LTBP4: variants seen among roughly 807,000 people sequenced by gnomAD.
LTBP4 encodes the protein latent transforming growth factor beta binding protein 4.
In LTBP4, 93 loss-of-function variants were observed where a neutral mutation model predicts 180.2. The observed-to-expected ratio is 0.52, with a 90% CI of 0.44 to 0.61. The LOEUF is 0.61. Among genes scored for constraint, LTBP4 ranks in the 20% least tolerant of loss-of-function variants. The probability of loss-of-function intolerance (pLI) is 0.00; values close to 1 mark genes in which losing one functional copy is unlikely to be tolerated. For synonymous variants in LTBP4, 947 were observed against 934.5 expected (o/e 1.01, Z -0.24); for missense variants, 2,116 against 2,256.5 (o/e 0.94, Z 1.26).
rs577339340 is a variant in LTBP4, at chr19:40,607,418, G to C, written c.1045G>C (p.Gly349Arg). 1.1e-4 allele frequency: 185 copies of C among 1,613,106 alleles called. 1 individual carries two copies. In the South Asian group the frequency reaches 1.9e-3, roughly 17 times the overall value. The stretch of plus-strand genomic sequence containing the variant: ...GCCCTGCTTCCGCGTGCTCCGCGAC[G>C]GCGGCTGTTCGCTGCCCATTCTGCG... The part of the protein sequence containing the change: ...KGPCFRVLRD[G>R]GCSLPILRNI... The change falls in exon 7 of 30, where the codon GGC becomes CGC. Residue 349 changes from glycine to arginine, a missense_variant. Physicochemically the swap from Gly to Arg is moderately radical, Grantham distance 125 (BLOSUM62 -2). Coordinates refer to ENST00000396819, the MANE Select transcript of LTBP4 (RefSeq NM_001042545.2).
At chr19:40,598,782 A>G (rs913581122), upstream of LTBP4, among the ~76,000 whole-genome samples, 12 of 152,182 alleles carry the variant, frequency 7.9e-5, no homozygotes, top group African/African-American at 2.9e-4. Context: ...CCTGTCGGCC[A>G]GGCTCAGGAT....
chr19:40,601,563 C>A lies in LTBP4; in HGVS notation c.176C>A (p.Ala59Glu). The change falls in exon 1 of 30, where the codon GCG becomes GAG. Residue 59 changes from alanine to glutamate, a missense_variant. Physicochemically the swap from Ala to Glu is moderately radical, Grantham distance 107. Around this residue, in one of 5 missense-constraint regions of LTBP4, gnomAD observed 469 missense variants for 532.5 expected, o/e 0.88. Transcript: ENST00000396819. ...PTGSRCTPTC[A>E]PRNATSVDSG... ...GGCTCCCGCTGTACCCCGACCTGCGCGCCCCGCAACGCCACCAGCGTGGAC... is the reference window on the plus strand; with the variant it reads ...GGCTCCCGCTGTACCCCGACCTGCGAGCCCCGCAACGCCACCAGCGTGGAC... 1 of 1,473,038 alleles carries A rather than the reference C, an allele frequency of 6.8e-7. No homozygotes were observed. 91.2% of individuals were successfully genotyped at this position (1,473,038 alleles called of 1,614,324 possible).
At chr19:40,616,708 T>C (rs945326307) in intron 19 of LTBP4, among the ~76,000 whole-genome samples, 181 bp from the exon 20 acceptor site, 4 of 152,126 alleles carry the variant, frequency 2.6e-5, no homozygotes, top group African/African-American at 9.7e-5. Context: ...CCAGCCTGAG[T>C]GAAAGAGCGA....
Position 40,619,355 on chromosome 19 carries a change from G to A in LTBP4, c.3079G>A (p.Glu1027Lys), listed in dbSNP as rs770149546. ...TTGTCTCCTGCTTACAGATGTGAAC[G>A]AGTGTGAAACACTACAGGGTGTATG... ...RDGRHCVDVN[E>K]CETLQGVCGA... The change falls in exon 22 of 30, where the codon GAG (glutamate) becomes AAG (lysine). Residue 1027 changes from glutamate to lysine, a missense_variant. Coordinates refer to ENST00000396819, the MANE Select transcript of LTBP4 (RefSeq NM_001042545.2). The A allele has an allele frequency of 5.6e-6, 9 of 1,613,570 alleles. No individual in the cohort carries two copies. The highest frequency in any genetic ancestry group is 3.3e-5 in the South Asian group (3 of 91,024).
Position 40,629,429 on chromosome 19 carries a change from C to A in LTBP4, c.4553C>A (p.Ser1518Tyr). ...INECDEAEAA[S>Y]PLCVNARCLN... Reference sequence around the variant, plus strand: ...GAGTGTGATGAGGCCGAGGCTGCCTCCCCGCTGTGCGTCAACGCGCGTTGC... The same window carrying A: ...GAGTGTGATGAGGCCGAGGCTGCCTACCCGCTGTGCGTCAACGCGCGTTGC... The change falls in exon 30 of 30, where the codon TCC becomes TAC. Residue 1518 changes from serine to tyrosine, a missense_variant. By Grantham distance (144) the Ser-to-Tyr change is moderately radical (BLOSUM62 -2). This residue lies in a region of LTBP4 where 488 missense variants were observed against 458.8 expected (regional missense o/e 1.06). Transcript: ENST00000396819. This position sits in a 1 kb window ranked among gnomAD's most constrained non-coding sequence, Gnocchi z 4.5. The A allele has an allele frequency of 6.2e-7, 1 of 1,612,810 alleles. No individual in the cohort carries two copies. The highest frequency in any genetic ancestry group is 2.2e-5 in the East Asian group (1 of 44,856).
At chr19:40,599,325 C>T, upstream of LTBP4, 2 of 1,608,118 alleles carry the variant, frequency 1.2e-6, no homozygotes, top group Non-Finnish European at 1.7e-6. Context: ...GGGAGCTCCC[C>T]ATCCCTCCCC....
chr19:40,601,087 C>A (rs1048687976), upstream of LTBP4, among the ~76,000 whole-genome samples: 1 of 152,024 alleles, frequency 6.6e-6, no homozygotes, highest in Non-Finnish European at 1.5e-5. Flanking sequence ...GGGGGGAAAC[C>A]CGCCCGCCCC....
upstream of LTBP4, among the ~76,000 whole-genome samples, chr19:40,601,089 G>T (rs912589284): frequency 6.6e-6 from 1 of 151,480 alleles, no homozygotes; most frequent in Non-Finnish European, 1.5e-5. Flanking sequence ...GGGGAAACCC[G>T]CCCGCCCCCA....
intron 27 of LTBP4, 24 bp downstream of exon 27, chr19:40,626,033 A>C: frequency 6.4e-7 from 1 of 1,567,756 alleles, no homozygotes; most frequent in Non-Finnish European, 8.6e-7. Context: ...CCTAGGCTGA[A>C]CTCAGAGGCC....
Position 40,611,416 on chromosome 19 carries a change from C to T in LTBP4, c.2053+22C>T, listed in dbSNP as rs1267265009. Reference sequence around the variant, plus strand: ...CAAGGTGAGGGTGCTGAGCCCAGCCCTACTCCATCACTGTTTGCTGTGGAG... The same window carrying T: ...CAAGGTGAGGGTGCTGAGCCCAGCCTTACTCCATCACTGTTTGCTGTGGAG... On this transcript the variant is annotated intron_variant, in intron 13 of 29. Transcript: ENST00000396819. The surrounding 1 kb of genome is among the most constrained non-coding windows in gnomAD (Gnocchi z 4.4). 6.3e-7 allele frequency: 1 copy of T among 1,592,576 alleles called. No homozygotes were observed. Among genetic ancestry groups the T allele is most frequent in the Non-Finnish European group, 8.5e-7 (1 of 1,172,808 alleles).
intron 12 of LTBP4, chr19:40,610,872 G>A (rs1195215047): frequency 1.3e-6 from 1 of 788,342 alleles, no homozygotes. Context: ...ATGAAAGATG[G>A]AGAAGCAGAA....
At chr19:40,606,553 T>C (rs1204229118) in intron 6 of LTBP4, 27 bp downstream of exon 6, 1 of 1,550,728 alleles carries the variant, frequency 6.4e-7, no homozygotes, top group Non-Finnish European at 8.7e-7. Context: ...GAGCTGAGGC[T>C]GGGTCCCGCC....
At chr19:40,625,785 A>C in intron 26 of LTBP4, 72 bp from the exon 27 acceptor site, 3 of 1,364,442 alleles carry the variant, frequency 2.2e-6, no homozygotes, top group Admixed American at 2.9e-5. Flanking sequence ...GCTGCTCAGC[A>C]GGGGAAGGGT....
chr19:40,625,273 TATATATATATATATATATATATATA>T (rs2081618377), intron 26 of LTBP4, among the ~76,000 whole-genome samples: 12 of 11,090 alleles, frequency 1.1e-3, no homozygotes, highest in Middle Eastern at 0.029. Context: ...TATATATATA[TATATATATATATATATATATATATA>T]TATATATATA....
In LTBP4 at chr19:40,602,341, T is replaced by C. The variant is rs375538785; in HGVS notation, c.250+704T>C. ...CAGGCACTCCTAGAGATGGGGAGCC[T>C]TGGGGGTTCAGGTGAGGTGGGGGAG... On this transcript the variant is annotated intron_variant, in intron 1 of 29. Coordinates refer to ENST00000396819, the MANE Select transcript of LTBP4 (RefSeq NM_001042545.2). Among the ~76,000 whole-genome samples the C allele has an allele frequency of 2.7e-4, 41 of 151,214 alleles. No individual in the cohort carries two copies. The South Asian group carries it at 5.2e-3, about 19-fold the overall frequency.
chr19:40,605,937 C>A lies in LTBP4; in HGVS notation c.793+106C>A. The stretch of plus-strand genomic sequence containing the variant: ...AAACCCAGTTCACAAATTGTAGCCA[C>A]GCCTACCCCATTGTGGAGGCGACTT... On this transcript the variant is annotated intron_variant, in intron 4 of 29. Coordinates refer to ENST00000396819, the MANE Select transcript of LTBP4 (RefSeq NM_001042545.2). This position sits in a 1 kb window ranked among gnomAD's most constrained non-coding sequence, Gnocchi z 5.5. The A allele has an allele frequency of 8.0e-7, 1 of 1,257,182 alleles. No homozygotes were observed. Among genetic ancestry groups the A allele is most frequent in the Non-Finnish European group, 1.1e-6 (1 of 919,114 alleles). 77.9% of individuals were successfully genotyped at this position (1,257,182 alleles called of 1,614,324 possible).
chr19:40,610,491 G>A lies in LTBP4; in HGVS notation c.1685-41G>A, dbSNP rs1318544. 0.42 allele frequency: 661,070 copies of A among 1,558,180 alleles called. 144,636 individuals carry two copies. Among genetic ancestry groups the A allele is most frequent in the African/African-American group, 0.66 (49,069 of 74,148 alleles). On this transcript the variant is annotated intron_variant, in intron 11 of 29. Transcript: ENST00000396819. ...GCCTCCTTGCGTCGCTTCTCCCGGG[G>A]CTGTCTGCCCCAGTCCCAGCCGCCT...
chr19:40,610,255 G>A (rs1034941458), intron 11 of LTBP4: 2 of 527,296 alleles, frequency 3.8e-6, no homozygotes, highest in South Asian at 5.7e-5. Context: ...TGCCACACCA[G>A]AGCCCTATCC....
chr19:40,602,309 TATGC>T (rs2081430149), intron 1 of LTBP4, among the ~76,000 whole-genome samples: 1 of 149,324 alleles, frequency 6.7e-6, no homozygotes, highest in South Asian at 2.1e-4. Flanking sequence ...ACAGGAGGTG[TATGC>T]ACCAGGCACT....
Sources: gnomAD v4.1 joint callset for allele counts (sites outside exome capture counted in the v4.1 genomes callset) on GRCh38, gnomAD v4.1.1 for gene constraint, gnomAD v4.1.1 regional missense constraint, Gnocchi (gnomAD v3.1) non-coding constraint, MANE v1.5 for transcripts, NCBI Gene and HGNC (gene_info 2026-07-23, HGNC 2026-07-21) for gene names.